The following KIAA0825 variants were observed in gnomAD, a reference collection of about 807,000 sequenced individuals.
KIAA0825 encodes the protein uncharacterized protein KIAA0825.
Under a neutral mutation model 147.6 loss-of-function variants are expected in KIAA0825, and 119 were observed. That is an observed-to-expected ratio of 0.81 (90% CI 0.69 to 0.94). The LOEUF (loss-of-function observed/expected upper bound fraction) is 0.94, where lower values mean the gene tolerates loss of function less well. Ranked by LOEUF, KIAA0825 falls within the 40% of genes least tolerant of loss-of-function variation. KIAA0825 has a pLI of 0.00. For missense variants in KIAA0825, 1,381 were observed against 1,472.7 expected (o/e 0.94, Z 1.02); for synonymous variants, 470 against 518.1 (o/e 0.91, Z 1.26).
At chr5:94,300,252 C>A (rs1005150051) in intron 20 of KIAA0825, among the ~76,000 whole-genome samples, 1 of 151,968 alleles carries the variant, frequency 6.6e-6, no homozygotes, top group Non-Finnish European at 1.5e-5. Flanking sequence ...TATACCTAAC[C>A]TTGGTTTAAA....
chr5:94,266,915 A>G (rs2150138135), intron 20 of KIAA0825, among the ~76,000 whole-genome samples: 1 of 152,316 alleles, frequency 6.6e-6, no homozygotes, highest in South Asian at 2.1e-4. Context: ...AATATATAAG[A>G]GTCCTTAGTC....
intron 2 of KIAA0825, among the ~76,000 whole-genome samples, chr5:94,554,735 T>C (rs1382068993): frequency 1.5e-5 from 2 of 131,886 alleles, no homozygotes; most frequent in Non-Finnish European, 3.2e-5. Flanking sequence ...TATATATATA[T>C]ATATATATAT....
chr5:94,451,809 T>C (rs1758449619), intron 13 of KIAA0825, among the ~76,000 whole-genome samples: 1 of 152,028 alleles, frequency 6.6e-6, no homozygotes, highest in East Asian at 1.9e-4. Flanking sequence ...TTAAAGCAAA[T>C]GTGATAATAA....
At position 94,520,620 on chromosome 5, in the gene KIAA0825, A is replaced by T; in HGVS notation, c.598T>A (p.Leu200Met). ...LLKKQCLQQL[L>M]FLYPESEVII... ...ACTTCTGATTCTGGATAAAGAAACAAGAGTTGTTGTAAGCACTGCTTTTTC... is the reference window on the plus strand; with the variant it reads ...ACTTCTGATTCTGGATAAAGAAACATGAGTTGTTGTAAGCACTGCTTTTTC... The change falls in exon 5 of 21, where the codon TTG (leucine) becomes ATG (methionine). Residue 200 changes from leucine (L) to methionine (M), a missense_variant. Physicochemically the swap from Leu to Met is conservative, Grantham distance 15 (BLOSUM62 2). Transcript: ENST00000682413. 3 of 1,613,350 alleles carry T rather than the reference A, an allele frequency of 1.9e-6. No individual in the cohort carries two copies. Among genetic ancestry groups the T allele is most frequent in the Non-Finnish European group, 2.5e-6 (3 of 1,179,498 alleles).
At chr5:94,524,952 G>A (rs1224693864) in intron 3 of KIAA0825, among the ~76,000 whole-genome samples, 3 of 151,682 alleles carry the variant, frequency 2.0e-5, no homozygotes, top group African/African-American at 7.3e-5. Context: ...ACACACTTAT[G>A]TGCATTGATG....
chr5:94,288,099 T>G (rs966165825), intron 20 of KIAA0825, among the ~76,000 whole-genome samples: 1 of 152,100 alleles, frequency 6.6e-6, no homozygotes, highest in African/African-American at 2.4e-5. Flanking sequence ...GGCCCTGAGG[T>G]CAACCCAATT....
chr5:94,166,624 C>T (rs1044996284), intron 20 of KIAA0825, among the ~76,000 whole-genome samples: 2 of 150,542 alleles, frequency 1.3e-5, no homozygotes, highest in East Asian at 2.0e-4. Flanking sequence ...TCTCCTGCCT[C>T]AGCCTCCTGA....
At chr5:94,368,409 G>A (rs1746176098) in intron 20 of KIAA0825, among the ~76,000 whole-genome samples, 1 of 152,136 alleles carries the variant, frequency 6.6e-6, no homozygotes, top group Non-Finnish European at 1.5e-5. Context: ...CTAGGCTCAA[G>A]GGATCCACCC....
At chr5:94,217,606 C>T (rs1773313716) in intron 20 of KIAA0825, among the ~76,000 whole-genome samples, 2 of 152,140 alleles carry the variant, frequency 1.3e-5, no homozygotes, top group Non-Finnish European at 2.9e-5. Context: ...ATTTTGCTTT[C>T]TGAAAATGTA....
At chr5:94,613,815 T>C (rs765448026) in intron 1 of KIAA0825, among the ~76,000 whole-genome samples, 9 of 152,258 alleles carry the variant, frequency 5.9e-5, no homozygotes, top group Non-Finnish European at 1.3e-4. Flanking sequence ...GGGCTAGCTG[T>C]GAGTCAGGAG....
intron 20 of KIAA0825, among the ~76,000 whole-genome samples, chr5:94,163,633 AGTC>A (rs1348762705): frequency 6.6e-6 from 1 of 152,192 alleles, no homozygotes; most frequent in Non-Finnish European, 1.5e-5. Flanking sequence ...CTCTTAATTT[AGTC>A]ATCAGTAAAA....
At chr5:94,221,959 A>C (rs2150065616) in intron 20 of KIAA0825, among the ~76,000 whole-genome samples, 1 of 152,232 alleles carries the variant, frequency 6.6e-6, no homozygotes, top group Middle Eastern at 3.4e-3. Flanking sequence ...TTGCCCGTCT[A>C]GTTCCAGGCA....
intron 2 of KIAA0825, among the ~76,000 whole-genome samples, chr5:94,579,449 C>G (rs1479198555): frequency 1.3e-5 from 2 of 152,154 alleles, no homozygotes; most frequent in Non-Finnish European, 2.9e-5. Flanking sequence ...ATATTGTATC[C>G]CATTAGAAAG....
intron 20 of KIAA0825, among the ~76,000 whole-genome samples, chr5:94,231,328 C>T (rs764409448): frequency 6.6e-6 from 1 of 151,990 alleles, no homozygotes; most frequent in Non-Finnish European, 1.5e-5. Context: ...CTGATATGTA[C>T]CCAAACACCT....
intron 14 of KIAA0825, among the ~76,000 whole-genome samples, chr5:94,434,790 T>C (rs1756127432): frequency 6.6e-6 from 1 of 152,192 alleles, no homozygotes; most frequent in South Asian, 2.1e-4. Context: ...GAGCAATTAC[T>C]AAATCATTCC....
chr5:94,575,270 G>C (rs1488115518), intron 2 of KIAA0825, among the ~76,000 whole-genome samples: 2 of 151,988 alleles, frequency 1.3e-5, no homozygotes, highest in East Asian at 1.9e-4. Flanking sequence ...GTTTGGTGTG[G>C]GGCGAGACAA....
intron 20 of KIAA0825, among the ~76,000 whole-genome samples, chr5:94,253,855 C>T (rs972757691): frequency 6.6e-6 from 1 of 152,104 alleles, no homozygotes; most frequent in Non-Finnish European, 1.5e-5. Context: ...GTTATGAGCT[C>T]AGTGTTAAGG....
intron 1 of KIAA0825, chr5:94,594,513 C>G: frequency 1.3e-6 from 1 of 748,000 alleles, no homozygotes; most frequent in Admixed American, 1.8e-5. Context: ...ATTGGGACAA[C>G]TACCAGAAAT....
At chr5:94,500,810 T>C (rs184108852) in intron 5 of KIAA0825, among the ~76,000 whole-genome samples, 1 of 152,312 alleles carries the variant, frequency 6.6e-6, no homozygotes, top group African/African-American at 2.4e-5. Context: ...GGACTTTCAC[T>C]GCTGTTGCCC....
Sources: gnomAD v4.1 joint callset for allele counts (sites outside exome capture counted in the v4.1 genomes callset) on GRCh38, gnomAD v4.1.1 for gene constraint, MANE v1.5 for transcripts, NCBI Gene and HGNC (gene_info 2026-07-23, HGNC 2026-07-21) for gene names.